Variants in USP54 observed in about 807,000 individuals in gnomAD.
USP54 encodes the protein ubiquitin carboxyl-terminal hydrolase 54.
In USP54, 87 loss-of-function variants were observed where a neutral mutation model predicts 170.5. The observed-to-expected ratio is 0.51, with a 90% CI of 0.43 to 0.61. USP54 has a LOEUF of 0.61. USP54 is among the 20% of genes least tolerant of loss of function. The probability of loss-of-function intolerance (pLI) is 0.00; values close to 1 mark genes in which losing one functional copy is unlikely to be tolerated. For missense variants in USP54, 1,786 were observed against 2,047.8 expected, an observed-to-expected ratio of 0.87 and a Z score of 2.47; for synonymous variants, 655 against 742.8, an observed-to-expected ratio of 0.88 and a Z score of 1.92.
chr10:73,604,021 G>A (rs1313977143), intron 1 of USP54, among the ~76,000 whole-genome samples: 1 of 151,450 alleles, frequency 6.6e-6, no homozygotes, highest in East Asian at 2.0e-4. Context: ...AAGGACGAAG[G>A]GGGCAGATCA....
upstream of USP54, among the ~76,000 whole-genome samples, chr10:73,593,245 C>T (rs2078438949): frequency 6.6e-6 from 1 of 151,364 alleles, no homozygotes; most frequent in South Asian, 2.1e-4. Context: ...GGTGTGGTGG[C>T]ACGCACCTCT....
Position 73,541,304 on chromosome 10 carries a change from G to A in USP54, c.825+71C>T, listed in dbSNP as rs922715195. 21 of 1,593,740 alleles carry A rather than the reference G, an allele frequency of 1.3e-5. No individual in the cohort carries two copies. The African/African-American group carries it at 2.5e-4, about 19-fold the overall frequency. On this transcript the variant is annotated intron_variant, in intron 9 of 23. Coordinates refer to ENST00000687698, the MANE Select transcript of USP54 (RefSeq NM_001391956.1). ...CATCTAGGACATACCTGTTTGTCTA[G>A]TGCTCACTGCTCCTAAGCAATACTA...
upstream of USP54, among the ~76,000 whole-genome samples, chr10:73,593,975 G>A (rs943544858): frequency 2.0e-5 from 3 of 152,264 alleles, no homozygotes; most frequent in African/African-American, 7.2e-5. Flanking sequence ...AACCATCATT[G>A]TCTTTTATTT....
At chr10:73,561,473 A>C (rs899131360) in intron 4 of USP54, among the ~76,000 whole-genome samples, 4 of 152,074 alleles carry the variant, frequency 2.6e-5, no homozygotes, top group Non-Finnish European at 4.4e-5. Context: ...TTTTTTAATT[A>C]AAAAATTTAA....
rs368913967 is a variant in USP54, at chr10:73,530,705, T to G, written c.1446A>C (p.Glu482Asp). The change falls in exon 13 of 24, where the codon GAA becomes GAC. Residue 482 changes from glutamate (E) to aspartate (D), a missense_variant and splice_region_variant. This residue lies in a region of USP54 where 1,418 missense variants were observed against 1,569.0 expected (regional missense o/e 0.90). Transcript: ENST00000687698. ...GAGAAGCAGTGCAGAAGGGCTTGCCTTCACTGTGGTATCCCGAGGCCTGGG... is the reference window on the plus strand; with the variant it reads ...GAGAAGCAGTGCAGAAGGGCTTGCCGTCACTGTGGTATCCCGAGGCCTGGG... ...DEPQASGYHS[E>D]GETLKEKQAP... The G allele has an allele frequency of 1.9e-6, 3 of 1,614,116 alleles. No homozygotes were observed. In the South Asian group the frequency reaches 3.3e-5, roughly 18 times the overall value.
intron 4 of USP54, among the ~76,000 whole-genome samples, chr10:73,559,317 T>C (rs2072155425): frequency 6.6e-6 from 1 of 152,084 alleles, no homozygotes; most frequent in African/African-American, 2.4e-5. Context: ...TCCCAGCACC[T>C]TGGGAGGCCA....
At position 73,517,688 on chromosome 10, in the gene USP54, A is replaced by C. The variant is rs866314521; in HGVS notation, c.2738T>G (p.Met913Arg). 5 of 1,614,200 alleles carry C rather than the reference A, an allele frequency of 3.1e-6. No homozygotes were observed. In the African/African-American group the frequency reaches 6.7e-5, roughly 22 times the overall value. The change falls in exon 20 of 24, where the codon ATG becomes AGG. Residue 913 changes from methionine to arginine, a missense_variant. Transcript: ENST00000687698. Reference protein sequence around the residue: ...LSQEAQLESGMDTEFGASSFF... With the variant: ...LSQEAQLESGRDTEFGASSFF... ...AGAACTGGCCCCAAACTCTGTATCC[A>C]TGCCGGATTCCAGTTGGGCCTCTTG...
chr10:73,593,846 C>A (rs1024691241), upstream of USP54, among the ~76,000 whole-genome samples: 3 of 152,048 alleles, frequency 2.0e-5, no homozygotes, highest in African/African-American at 7.2e-5. Flanking sequence ...GAGTAAGGTA[C>A]AACAGAATGT....
chr10:73,539,278 CA>C (rs1279556550), intron 10 of USP54, among the ~76,000 whole-genome samples, 165 bp downstream of exon 10: 165 of 54,880 alleles, frequency 3.0e-3, no homozygotes, highest in Middle Eastern at 0.011. Context: ...GACTCCATCT[CA>C]AAAAAAAAAA....
intron 1 of USP54, among the ~76,000 whole-genome samples, chr10:73,616,335 CAAAAAAAA>C (rs60197778): frequency 1.2e-4 from 3 of 25,774 alleles, no homozygotes; most frequent in South Asian, 8.0e-4. Flanking sequence ...GACTCCATCT[CAAAAAAAA>C]AAAAAAAAAA....
chr10:73,530,437 C>T lies in USP54; in HGVS notation c.1534G>A (p.Val512Ile), dbSNP rs1265077810. ...TNRLRDFKET[V>I]SNMIHNRPSL... ...GGTCTGTTATGGATCATATTGCTGA[C>T]TGTCTCTTTAAAATCTCTCAGCCTG... is the stretch of plus-strand genomic sequence containing the variant. Residue 512 changes from valine (V) to isoleucine (I), a missense_variant, in exon 14 of 24, where the codon GTC becomes ATC. By Grantham distance (29) the Val-to-Ile change is conservative. This residue lies in a region of USP54 where 1,418 missense variants were observed against 1,569.0 expected (regional missense o/e 0.90). Transcript: ENST00000687698. 12 of 1,614,078 alleles carry T rather than the reference C, an allele frequency of 7.4e-6. No individual in the cohort carries two copies. Among genetic ancestry groups the T allele is most frequent in the Non-Finnish European group, 1.0e-5 (12 of 1,180,048 alleles).
intron 1 of USP54, among the ~76,000 whole-genome samples, chr10:73,578,569 G>A (rs2076433422): frequency 6.6e-6 from 1 of 152,044 alleles, no homozygotes; most frequent in Non-Finnish European, 1.5e-5. Context: ...GTGCCACTAT[G>A]CCTGGCTAAT....
intron 1 of USP54, among the ~76,000 whole-genome samples, chr10:73,602,855 C>CAAAA (rs60433926): frequency 6.8e-4 from 28 of 41,416 alleles, no homozygotes; most frequent in Non-Finnish European, 8.7e-4. Context: ...GACTCTGTCT[C>CAAAA]AAAAAAAAAA....
chr10:73,537,319 C>T (rs1045166924), intron 10 of USP54, among the ~76,000 whole-genome samples: 30 of 152,124 alleles, frequency 2.0e-4, no homozygotes, highest in African/African-American at 6.5e-4. Flanking sequence ...ATTACAACAA[C>T]GCAAAAGAGA....
intron 5 of USP54, 61 bp from the exon 6 acceptor site, chr10:73,543,192 G>C: frequency 8.2e-7 from 1 of 1,215,820 alleles, no homozygotes; most frequent in Non-Finnish European, 1.2e-6. Context: ...TACATAAATT[G>C]GTAAGCAGCT....
chr10:73,575,089 G>C (rs2075915671), intron 3 of USP54, among the ~76,000 whole-genome samples: 1 of 151,872 alleles, frequency 6.6e-6, no homozygotes, highest in Non-Finnish European at 1.5e-5. Flanking sequence ...GCTGGGCATG[G>C]TGGTGGGCGC....
chr10:73,539,439 C>A lies in USP54; in HGVS notation c.975+5G>T. The A allele has an allele frequency of 6.2e-7, 1 of 1,604,928 alleles. No homozygotes were observed. The highest frequency in any genetic ancestry group is 8.5e-7 in the Non-Finnish European group (1 of 1,174,748). On this transcript the variant is annotated splice_donor_5th_base_variant and intron_variant, in intron 10 of 23. Transcript: ENST00000687698. ...ACACTTCAAAAAGGACTTGACTACT[C>A]CTACCTCCTTGACATGAGCATCATC...
intron 15 of USP54, among the ~76,000 whole-genome samples, chr10:73,527,295 C>G (rs891831442): frequency 6.6e-6 from 1 of 151,900 alleles, no homozygotes; most frequent in Non-Finnish European, 1.5e-5. Context: ...ATCAAGAGAT[C>G]AAGACCATCC....
At chr10:73,620,690 C>A (rs907144123) in intron 1 of USP54, among the ~76,000 whole-genome samples, 1 of 150,390 alleles carries the variant, frequency 6.6e-6, no homozygotes, top group Non-Finnish European at 1.5e-5. Context: ...GTAATCCCAG[C>A]ACTTTGGGAG....
Sources: allele counts gnomAD v4.1 joint callset (sites outside exome capture counted in the v4.1 genomes callset), GRCh38; gene constraint gnomAD v4.1.1; regional missense constraint gnomAD v4.1.1; transcripts MANE v1.5; gene names NCBI Gene and HGNC (gene_info 2026-07-23, HGNC 2026-07-21).